The following TMC1 variants were observed in gnomAD, a reference collection of about 807,000 sequenced individuals.
The protein encoded by TMC1 is transmembrane channel like 1, also known as transmembrane channel-like protein 1.
TMC1 carries 84 observed loss-of-function variants against 105.8 expected under a neutral mutation model. That is an observed-to-expected ratio of 0.79 (90% CI 0.67 to 0.95). The LOEUF is 0.95. Ranked by LOEUF, TMC1 falls within the 40% of genes least tolerant of loss-of-function variation. The pLI is 0.00. For synonymous variants in TMC1, 315 were observed against 311.5 expected (o/e 1.01, Z -0.12); for missense variants, 817 against 914.1 (o/e 0.89, Z 1.37).
intron 1 of TMC1, among the ~76,000 whole-genome samples, chr9:72,574,400 GATATGGTGCTATCAGGAAAGCAAGGCCA>G (rs1322464286): frequency 6.8e-6 from 1 of 147,322 alleles, no homozygotes; most frequent in Non-Finnish European, 1.5e-5. Context: ...CTCAGAAACA[GATATGGTGCTATCAGGAAAGCAAGGCCA>G]ATATCTGAAT....
intron 1 of TMC1, among the ~76,000 whole-genome samples, chr9:72,549,904 G>T (rs967172544): frequency 2.6e-5 from 4 of 151,818 alleles, no homozygotes; most frequent in African/African-American, 9.7e-5. Context: ...GAGCCACCGA[G>T]CCCGGCCTAA....
chr9:72,729,049 C>T (rs1450703117), intron 8 of TMC1, among the ~76,000 whole-genome samples: 1 of 151,960 alleles, frequency 6.6e-6, no homozygotes, highest in Non-Finnish European at 1.5e-5. Flanking sequence ...TTTAGAGCTC[C>T]AGGGAGCAAA....
At chr9:72,711,169 G>A (rs184129083) in intron 8 of TMC1, among the ~76,000 whole-genome samples, 114 of 152,244 alleles carry the variant, frequency 7.5e-4, no homozygotes, top group East Asian at 7.1e-3. Context: ...GTCTATCATT[G>A]ATGGGCATTT....
Position 72,609,750 on chromosome 9 carries a change from T to A in TMC1, c.-305-6618T>A, listed in dbSNP as rs145582039. Among the ~76,000 whole-genome samples, 9 of 152,336 alleles carry A rather than the reference T, an allele frequency of 5.9e-5. No homozygotes were observed. The East Asian group carries it at 1.5e-3, about 26-fold the overall frequency. On this transcript the variant is annotated intron_variant, in intron 2 of 23. Coordinates refer to ENST00000297784, the MANE Select transcript of TMC1 (RefSeq NM_138691.3). ...GCTCTTCTTCAACATCTAACTATTA[T>A]CATTTCCACATCTGATTCAAGCACT...
intron 1 of TMC1, among the ~76,000 whole-genome samples, chr9:72,544,718 G>A (rs1294143088): frequency 2.6e-5 from 4 of 151,454 alleles, no homozygotes; most frequent in Admixed American, 2.0e-4. Context: ...GACCTCAGGT[G>A]ATCCTCCCAC....
chr9:72,763,255 T>C (rs1225599898), intron 12 of TMC1, among the ~76,000 whole-genome samples: 1 of 152,210 alleles, frequency 6.6e-6, no homozygotes, highest in Admixed American at 6.5e-5. Flanking sequence ...TCTTTGGAAG[T>C]GACCATAGAA....
intron 8 of TMC1, among the ~76,000 whole-genome samples, chr9:72,710,285 A>G (rs1826814089): frequency 6.6e-6 from 1 of 152,144 alleles, no homozygotes; most frequent in South Asian, 2.1e-4. Flanking sequence ...TCTTGGAGAA[A>G]GTTCCATGCA....
At chr9:72,807,113 C>T (rs978461950) in intron 18 of TMC1, among the ~76,000 whole-genome samples, 25 of 152,180 alleles carry the variant, frequency 1.6e-4, no homozygotes, top group Non-Finnish European at 2.6e-4. Context: ...ACCAGTCAGG[C>T]GTGTCGGCGC....
intron 20 of TMC1, among the ~76,000 whole-genome samples, chr9:72,822,950 A>G (rs1308440487): frequency 6.6e-6 from 1 of 152,210 alleles, no homozygotes; most frequent in Non-Finnish European, 1.5e-5. Context: ...GGCTTTCCTA[A>G]TTGGCAAACT....
intron 13 of TMC1, among the ~76,000 whole-genome samples, chr9:72,781,829 C>CA (rs1187371385): frequency 1.3e-5 from 2 of 152,096 alleles, no homozygotes; most frequent in Non-Finnish European, 2.9e-5. Flanking sequence ...AAAAGCCTAT[C>CA]AACCAGAAAA....
chr9:72,725,325 G>GTGTGTATATATATA, intron 8 of TMC1, among the ~76,000 whole-genome samples: 1 of 77,682 alleles, frequency 1.3e-5, no homozygotes, highest in African/African-American at 3.8e-5. Flanking sequence ...ATGTGTGTAT[G>GTGTGTATATATATA]TATATATATA....
intron 1 of TMC1, among the ~76,000 whole-genome samples, chr9:72,568,587 T>G (rs1412646124): frequency 6.6e-6 from 1 of 152,208 alleles, no homozygotes; most frequent in Non-Finnish European, 1.5e-5. Context: ...AGCTTTATAG[T>G]TATGAAATCA....
At chr9:72,561,771 A>G (rs17637513) in intron 1 of TMC1, among the ~76,000 whole-genome samples, 5,965 of 152,254 alleles carry the variant, frequency 0.039, 158 homozygotes, top group Middle Eastern at 0.071. Context: ...TTCTGCCTCA[A>G]CTGCTTCTCT....
chr9:72,615,219 A>G (rs1163644488), intron 2 of TMC1, among the ~76,000 whole-genome samples: 1 of 152,152 alleles, frequency 6.6e-6, no homozygotes, highest in Non-Finnish European at 1.5e-5. Context: ...ATGTATTACT[A>G]TTTTAATTCT....
intron 13 of TMC1, among the ~76,000 whole-genome samples, chr9:72,777,600 A>G (rs1397555886): frequency 6.6e-6 from 1 of 152,234 alleles, no homozygotes; most frequent in African/African-American, 2.4e-5. Context: ...CAGAAAAGCA[A>G]CGAGGTATGA....
At chr9:72,574,537 A>G (rs1400863416) in intron 1 of TMC1, among the ~76,000 whole-genome samples, 3 of 152,170 alleles carry the variant, frequency 2.0e-5, no homozygotes, top group South Asian at 4.1e-4. Flanking sequence ...GGCATTTAAC[A>G]TCACTCTTTC....
chr9:72,655,777 T>C (rs1825874735), intron 5 of TMC1: 2 of 566,494 alleles, frequency 3.5e-6, no homozygotes, highest in East Asian at 3.0e-5. Context: ...TACTGATGCT[T>C]GTTTCATTTT....
intron 1 of TMC1, among the ~76,000 whole-genome samples, chr9:72,566,430 A>G (rs1293819924): frequency 7.0e-6 from 1 of 142,570 alleles, no homozygotes; most frequent in African/African-American, 2.5e-5. Flanking sequence ...AAGTCACTCC[A>G]TAGGGACTAT....
At chr9:72,608,440 C>A (rs537135398) in intron 2 of TMC1, among the ~76,000 whole-genome samples, 22 of 152,258 alleles carry the variant, frequency 1.4e-4, no homozygotes, top group African/African-American at 4.8e-4. Context: ...GGCGTGGTGG[C>A]CCACGCCTGT....
Sources: gnomAD v4.1 joint callset for allele counts (sites outside exome capture counted in the v4.1 genomes callset) on GRCh38, gnomAD v4.1.1 for gene constraint, MANE v1.5 for transcripts, NCBI Gene and HGNC (gene_info 2026-07-23, HGNC 2026-07-21) for gene names.